PLEKHA6: variants seen among roughly 807,000 people sequenced by gnomAD.
The protein encoded by PLEKHA6 is pleckstrin homology domain-containing family A member 6.
Under a neutral mutation model 116.7 loss-of-function variants are expected in PLEKHA6, and 60 were observed. The ratio of observed to expected loss-of-function variants is 0.51; its 90% CI spans 0.42 to 0.64. PLEKHA6 has a LOEUF of 0.64. PLEKHA6 is among the 30% of genes least tolerant of loss of function. The probability of loss-of-function intolerance (pLI) is 0.00; values close to 1 mark genes in which losing one functional copy is unlikely to be tolerated. For missense variants in PLEKHA6, 1,338 were observed against 1,422.7 expected (o/e 0.94, Z 0.96); for synonymous variants, 489 against 556.1 (o/e 0.88, Z 1.70).
chr1:204,282,812 A>G (rs998385555), intron 1 of PLEKHA6: 1 of 985,118 alleles, frequency 1.0e-6, no homozygotes, highest in Admixed American at 6.2e-5. Context: ...CCTTCTAAAG[A>G]GAGGGGGAAT....
intron 3 of PLEKHA6, among the ~76,000 whole-genome samples, chr1:204,366,338 T>G (rs1247089266): frequency 2.0e-5 from 3 of 151,072 alleles, no homozygotes; most frequent in Non-Finnish European, 4.4e-5. Context: ...ACAGATACTT[T>G]GAAAGGAAGA....
intron 1 of PLEKHA6, among the ~76,000 whole-genome samples, chr1:204,376,056 C>G (rs1414367925): frequency 1.3e-5 from 2 of 151,930 alleles, no homozygotes; most frequent in African/African-American, 4.8e-5. Flanking sequence ...ATATTATTTC[C>G]TAAGTATTGA....
chr1:204,351,349 G>A (rs532778576), intron 1 of PLEKHA6, among the ~76,000 whole-genome samples: 6 of 152,220 alleles, frequency 3.9e-5, no homozygotes, highest in South Asian at 4.1e-4. Context: ...CACCCAAGCC[G>A]AACCCGACCC....
Position 204,249,283 on chromosome 1 carries a change from G to C in PLEKHA6, c.1594-19C>G, listed in dbSNP as rs368994153. 5 of 1,554,500 alleles carry C rather than the reference G, an allele frequency of 3.2e-6. No homozygotes were observed. The highest frequency in any genetic ancestry group is 4.4e-6 in the Non-Finnish European group (5 of 1,125,696). On this transcript the variant is annotated intron_variant, in intron 10 of 22. Coordinates refer to ENST00000272203, the MANE Select transcript of PLEKHA6 (RefSeq NM_014935.5). ...GCAGCTTCTAGGGACCCAGAGAGTGGAGAAGGAGAGGGAGAAAGAAGGGGA... is the reference window on the plus strand; with the variant it reads ...GCAGCTTCTAGGGACCCAGAGAGTGCAGAAGGAGAGGGAGAAAGAAGGGGA...
At chr1:204,269,670 T>A (rs1302684100) in intron 3 of PLEKHA6, among the ~76,000 whole-genome samples, 3 of 152,026 alleles carry the variant, frequency 2.0e-5, no homozygotes, top group Non-Finnish European at 4.4e-5. Context: ...CCCTTTTACC[T>A]AGAAAATGAC....
intron 15 of PLEKHA6, among the ~76,000 whole-genome samples, chr1:204,242,503 A>C (rs2102563511): frequency 6.6e-6 from 1 of 152,236 alleles, no homozygotes; most frequent in Middle Eastern, 3.4e-3. Context: ...ACATAGCTAA[A>C]CCTAGATGAG....
chr1:204,265,973 A>T (rs77986246), intron 5 of PLEKHA6, among the ~76,000 whole-genome samples: 2,653 of 152,280 alleles, frequency 0.017, 81 homozygotes, highest in African/African-American at 0.061. Context: ...GGGGACAATT[A>T]TGAGACTATG....
Position 204,259,731 on chromosome 1 carries a change from C to T in PLEKHA6, c.534G>A (p.Lys178=). 3 of 1,609,148 alleles carry T rather than the reference C, an allele frequency of 1.9e-6. No individual in the cohort carries two copies. Among genetic ancestry groups the T allele is most frequent in the Non-Finnish European group, 2.5e-6 (3 of 1,177,204 alleles). ...TGGGTGGGACGTTCTCCGAGTCTGG[C>T]TTCTCATGGCTGCAGGATGCCAAGG... The part of the protein sequence containing the change: ...VPQAVRHSHE[K]PDSENVPPSK... Residue 178 remains lysine, a synonymous_variant, in exon 8 of 23, where the codon AAG becomes AAA. Coordinates refer to ENST00000272203, the MANE Select transcript of PLEKHA6 (RefSeq NM_014935.5). This position sits in a 1 kb window ranked among gnomAD's most constrained non-coding sequence, Gnocchi z 4.6.
At chr1:204,328,232 AC>A (rs1247303102) in intron 1 of PLEKHA6, among the ~76,000 whole-genome samples, 1 of 149,410 alleles carries the variant, frequency 6.7e-6, no homozygotes, top group Non-Finnish European at 1.5e-5. Context: ...ACAGGCATGC[AC>A]CCCCACGCCC....
intron 13 of PLEKHA6, 80 bp from the exon 14 acceptor site, chr1:204,245,806 AC>A: frequency 1.0e-6 from 1 of 969,486 alleles, no homozygotes; most frequent in Non-Finnish European, 1.6e-6. Context: ...ACCCCTTGGA[AC>A]CCACATCCCT....
chr1:204,310,478 C>T (rs1157894822), intron 1 of PLEKHA6, among the ~76,000 whole-genome samples: 3 of 152,196 alleles, frequency 2.0e-5, no homozygotes, highest in East Asian at 3.8e-4. Context: ...CCTCAGCCTA[C>T]TACTGGCCAT....
At chr1:204,245,878 A>C in intron 13 of PLEKHA6, 152 bp from the exon 14 acceptor site, 1 of 513,932 alleles carries the variant, frequency 1.9e-6, no homozygotes, top group East Asian at 3.3e-5. Context: ...ACACACACAC[A>C]TGCCCCTCCA....
At chr1:204,309,188 A>G (rs780121676) in intron 1 of PLEKHA6, 6 of 304,666 alleles carry the variant, frequency 2.0e-5, no homozygotes, top group Non-Finnish European at 2.9e-5. Flanking sequence ...CACACTGAAG[A>G]CTCCCTGCAG....
intron 18 of PLEKHA6, among the ~76,000 whole-genome samples, chr1:204,230,208 T>C (rs1429518155): frequency 6.6e-6 from 1 of 152,272 alleles, no homozygotes; most frequent in Non-Finnish European, 1.5e-5. Context: ...TGTGAGTTAT[T>C]TTCTTTAAAC....
chr1:204,311,401 G>A (rs1671652488), intron 1 of PLEKHA6: 1 of 153,812 alleles, frequency 6.5e-6, no homozygotes, highest in Non-Finnish European at 1.4e-5. Flanking sequence ...TGAGGCAGGA[G>A]AATCACTTGA....
intron 1 of PLEKHA6, among the ~76,000 whole-genome samples, chr1:204,305,356 T>A (rs1671197776): frequency 6.6e-6 from 1 of 152,014 alleles, no homozygotes; most frequent in Admixed American, 6.6e-5. Flanking sequence ...GGATTAGGAG[T>A]TGGATTCTAA....
At chr1:204,308,511 C>T (rs562301795) in intron 1 of PLEKHA6, among the ~76,000 whole-genome samples, 1 of 151,838 alleles carries the variant, frequency 6.6e-6, no homozygotes, top group African/African-American at 2.4e-5. Flanking sequence ...AATCACTTAA[C>T]CTCTCTGAGC....
chr1:204,280,530 A>G (rs1389573352), intron 1 of PLEKHA6: 1 of 900,126 alleles, frequency 1.1e-6, no homozygotes. Flanking sequence ...GCCCTGGCCC[A>G]GCTTCCCCAT....
chr1:204,377,346 T>C (rs376510783), intron 1 of PLEKHA6, among the ~76,000 whole-genome samples: 1 of 152,324 alleles, frequency 6.6e-6, no homozygotes, highest in African/African-American at 2.4e-5. Context: ...AGCACTCCCC[T>C]GCCCTGCCCA....
Sources: allele counts gnomAD v4.1 joint callset (sites outside exome capture counted in the v4.1 genomes callset), GRCh38; gene constraint gnomAD v4.1.1; non-coding constraint Gnocchi (gnomAD v3.1); transcripts MANE v1.5; gene names NCBI Gene and HGNC (gene_info 2026-07-23, HGNC 2026-07-21).